Variants in SLC38A6 observed in about 807,000 individuals in gnomAD.
SLC38A6 encodes solute carrier family 38 member 6.
A neutral mutation model predicts 65.0 loss-of-function variants in SLC38A6; 73 were observed. The ratio of observed to expected loss-of-function variants is 1.12; its 90% CI spans 0.93 to 1.37. The LOEUF is 1.37. Ranked by LOEUF, SLC38A6 falls within the 40% of genes most tolerant of loss-of-function variation. The pLI is 0.00. For missense variants in SLC38A6, 561 were observed against 531.1 expected (o/e 1.06, Z -0.55); for synonymous variants, 183 against 178.8 (o/e 1.02, Z -0.19).
At chr14:61,033,127 G>A (rs1259311606) in intron 6 of SLC38A6, among the ~76,000 whole-genome samples, 2 of 151,790 alleles carry the variant, frequency 1.3e-5, no homozygotes, top group Non-Finnish European at 2.9e-5. Context: ...GATCTTGTCG[G>A]GGAATATGAT....
At chr14:61,002,254 A>G (rs2038760881) in intron 3 of SLC38A6, 1 of 152,230 alleles carries the variant, frequency 6.6e-6, no homozygotes, top group African/African-American at 2.4e-5. Flanking sequence ...GCATCTAAAC[A>G]CATACTAAGA....
chr14:61,083,565 C>T (rs2043740361), exon 17 of SLC38A6: 2 of 1,550,156 alleles, frequency 1.3e-6, no homozygotes, highest in Middle Eastern at 1.7e-4. Flanking sequence ...GAAGAGATAC[C>T]ATGGAGATGT....
intron 3 of SLC38A6, among the ~76,000 whole-genome samples, chr14:60,990,527 G>A (rs2037784934): frequency 6.6e-6 from 1 of 152,130 alleles, no homozygotes; most frequent in African/African-American, 2.4e-5. Context: ...AAATGGTAAT[G>A]TCTTTCTTCT....
At chr14:60,988,329 C>T (rs1176967448) in intron 3 of SLC38A6, among the ~76,000 whole-genome samples, 1 of 152,176 alleles carries the variant, frequency 6.6e-6, no homozygotes, top group Non-Finnish European at 1.5e-5. Flanking sequence ...TTACTATTGT[C>T]ATCTATAGAC....
At chr14:61,030,133 T>C (rs898876168) in intron 5 of SLC38A6, among the ~76,000 whole-genome samples, 2 of 152,234 alleles carry the variant, frequency 1.3e-5, no homozygotes, top group Non-Finnish European at 1.5e-5. Context: ...TAAAACTTTG[T>C]ACAAAATTTC....
chr14:61,023,433 T>C (rs1952397), intron 5 of SLC38A6, among the ~76,000 whole-genome samples: 132,950 of 151,688 alleles, frequency 0.88, 59,116 homozygotes, highest in Non-Finnish European at 0.96. Flanking sequence ...TTAGCCAGGC[T>C]TGGGGTTGTG....
At chr14:60,991,182 G>A (rs2037854854) in intron 3 of SLC38A6, among the ~76,000 whole-genome samples, 1 of 152,082 alleles carries the variant, frequency 6.6e-6, no homozygotes, top group Non-Finnish European at 1.5e-5. Flanking sequence ...AAATCCTCCA[G>A]TTGCTTCCCA....
At chr14:61,063,086 G>A (rs1027258187) in intron 15 of SLC38A6, among the ~76,000 whole-genome samples, 4 of 152,084 alleles carry the variant, frequency 2.6e-5, no homozygotes, top group Admixed American at 6.5e-5. Context: ...GTGTTTAAAT[G>A]TTCTTAAATA....
intron 3 of SLC38A6, among the ~76,000 whole-genome samples, chr14:61,005,985 G>T (rs2039082219): frequency 6.6e-6 from 1 of 152,020 alleles, no homozygotes; most frequent in African/African-American, 2.4e-5. Context: ...CAGAGATATA[G>T]ATCAATGGAA....
In SLC38A6 at chr14:60,981,316, C is replaced by T; in HGVS notation, c.39C>T (p.Gly13=). The change falls in exon 1 of 16, where the codon GGC becomes GGT. Residue 13 remains glycine, a synonymous_variant. Coordinates refer to ENST00000267488, the MANE Select transcript of SLC38A6 (RefSeq NM_153811.3). ...GGGGGAGCTTCAACGCTGAGCGGGGCTGGTATGTCTCTGTCCAGCAGCCTG... is the reference window on the plus strand; with the variant it reads ...GGGGGAGCTTCAACGCTGAGCGGGGTTGGTATGTCTCTGTCCAGCAGCCTG... ...ASWGSFNAER[G]WYVSVQQPEE... is the part of the protein sequence containing the mutation. 1 of 1,610,660 alleles carries T rather than the reference C, an allele frequency of 6.2e-7. No individual in the cohort carries two copies. Among genetic ancestry groups the T allele is most frequent in the Non-Finnish European group, 8.5e-7 (1 of 1,178,674 alleles).
intron 3 of SLC38A6, among the ~76,000 whole-genome samples, chr14:60,994,372 C>T (rs537350637): frequency 6.6e-6 from 1 of 151,986 alleles, no homozygotes; most frequent in East Asian, 2.0e-4. Flanking sequence ...ATGGGGAAAC[C>T]CTGTCTCTAC....
rs2037001397 is a variant in SLC38A6, at chr14:60,981,389, G to A, written c.105+7G>A. The A allele has an allele frequency of 1.3e-6, 2 of 1,587,122 alleles. No homozygotes were observed. Among genetic ancestry groups the A allele is most frequent in the South Asian group, 1.2e-5 (1 of 86,940 alleles). On this transcript the variant is annotated splice_region_variant and intron_variant, in intron 1 of 15. Transcript: ENST00000267488. ...GAGTCCGTTGCTAAGCAACGTAAGT[G>A]GGCTGTGTTCGCTTCCCCGCGCTGA...
At chr14:61,039,754 G>C (rs2041669646) in intron 8 of SLC38A6, among the ~76,000 whole-genome samples, 1 of 151,902 alleles carries the variant, frequency 6.6e-6, no homozygotes, top group Non-Finnish European at 1.5e-5. Context: ...TATTAACCCA[G>C]AATTTTGGAA....
At chr14:61,081,964 A>G (rs890611378) in intron 16 of SLC38A6, among the ~76,000 whole-genome samples, 1 of 152,158 alleles carries the variant, frequency 6.6e-6, no homozygotes, top group Non-Finnish European at 1.5e-5. Flanking sequence ...TGGGAGAGAC[A>G]GGCTGTGCCT....
At chr14:61,069,828 TC>T (rs1204911181) in intron 15 of SLC38A6, among the ~76,000 whole-genome samples, 2 of 152,122 alleles carry the variant, frequency 1.3e-5, no homozygotes, top group Non-Finnish European at 2.9e-5. Flanking sequence ...TCCAATTCTA[TC>T]CCCAGCATCC....
intron 3 of SLC38A6, among the ~76,000 whole-genome samples, chr14:60,985,265 G>A (rs750814457): frequency 1.3e-5 from 2 of 152,260 alleles, no homozygotes; most frequent in East Asian, 1.9e-4. Context: ...GACACATTTT[G>A]TATTTTTAAT....
chr14:61,015,798 T>A (rs1254966029), intron 3 of SLC38A6, 106 bp from the exon 4 acceptor site: 16 of 748,952 alleles, frequency 2.1e-5, no homozygotes, highest in Non-Finnish European at 3.2e-5. Flanking sequence ...GCCTGGATCA[T>A]AAGAATTATA....
chr14:61,041,865 A>C (rs1226054272), intron 8 of SLC38A6, among the ~76,000 whole-genome samples: 1 of 151,924 alleles, frequency 6.6e-6, no homozygotes, highest in Non-Finnish European at 1.5e-5. Flanking sequence ...GTGTTACTGC[A>C]CTCCAGGCTG....
chr14:61,036,974 G>GTGTGTA, intron 6 of SLC38A6, 85 bp from the exon 7 acceptor site: 1 of 670,056 alleles, frequency 1.5e-6, no homozygotes. Flanking sequence ...GTGTGTGTGT[G>GTGTGTA]TGTGTGTGTG....
Sources: gnomAD v4.1 joint callset for allele counts (sites outside exome capture counted in the v4.1 genomes callset) on GRCh38, gnomAD v4.1.1 for gene constraint, MANE v1.5 for transcripts, NCBI Gene and HGNC (gene_info 2026-07-23, HGNC 2026-07-21) for gene names.